Variants in IGSF10 observed in about 807,000 individuals in gnomAD.
The protein encoded by IGSF10 is calvaria mechanical force protein 608.
IGSF10 carries 126 observed loss-of-function variants against 128.2 expected under a neutral mutation model. The ratio of observed to expected loss-of-function variants is 0.98; its 90% CI spans 0.85 to 1.14. IGSF10 has a LOEUF of 1.14. Ranked by LOEUF, IGSF10 falls within the 50% of genes most tolerant of loss-of-function variation. The pLI, the probability that IGSF10 is intolerant of heterozygous loss-of-function variation, is 0.00. For synonymous variants in IGSF10, 1,185 were observed against 1,146.2 expected, an observed-to-expected ratio of 1.03 and a Z score of -0.68; for missense variants, 3,295 against 3,149.8, an observed-to-expected ratio of 1.05 and a Z score of -1.10.
the IGSF10 span, among the ~76,000 whole-genome samples, chr3:151,474,796 CACATATTATGTGG>C: frequency 1.3e-5 from 2 of 152,120 alleles, no homozygotes; most frequent in Non-Finnish European, 2.9e-5. Context: ...AGGAGCAAGT[CACATATTATGTGG>C]ATGGCAGCAG....
In IGSF10 at chr3:151,438,529, C is replaced by T. The variant is rs1310254148; in HGVS notation, c.6032G>A (p.Ser2011Asn). 3 of 1,614,014 alleles carry T rather than the reference C, an allele frequency of 1.9e-6. No homozygotes were observed. The highest frequency in any genetic ancestry group is 1.7e-6 in the Non-Finnish European group (2 of 1,180,030). Residue 2011 changes from serine (S) to asparagine (N), a missense_variant, in exon 8 of 8, where the codon AGT (serine) becomes AAT (asparagine). By Grantham distance (46) the Ser-to-Asn change is conservative. Coordinates refer to ENST00000282466, the MANE Select transcript of IGSF10 (RefSeq NM_178822.5). ...TCTTGCCACACACAAGTAGACACCACTGTCTTTTTCTGTTACTGATCCAAT... is the reference window on the plus strand; with the variant it reads ...TCTTGCCACACACAAGTAGACACCATTGTCTTTTTCTGTTACTGATCCAAT... ...LFIGSVTEKD[S>N]GVYLCVARNK...
the IGSF10 span, among the ~76,000 whole-genome samples, chr3:151,496,048 A>T: frequency 6.6e-6 from 1 of 152,100 alleles, no homozygotes; most frequent in Non-Finnish European, 1.5e-5. Flanking sequence ...AGAGGAAAAA[A>T]CTTATGAAAC....
chr3:151,508,022 T>C, the IGSF10 span, among the ~76,000 whole-genome samples: 2 of 152,134 alleles, frequency 1.3e-5, no homozygotes, highest in Non-Finnish European at 2.9e-5. Flanking sequence ...CAAATACTAA[T>C]ATAAAACAGT....
the IGSF10 span, among the ~76,000 whole-genome samples, chr3:151,506,858 C>T: frequency 2.0e-5 from 3 of 152,148 alleles, no homozygotes; most frequent in Admixed American, 6.6e-5. Context: ...GACAAATGAA[C>T]GTTCTTTGTG....
the IGSF10 span, among the ~76,000 whole-genome samples, chr3:151,570,346 C>T: frequency 6.6e-6 from 1 of 152,206 alleles, no homozygotes; most frequent in Non-Finnish European, 1.5e-5. Flanking sequence ...TTTACAGTCC[C>T]ACCAACAGTG....
the IGSF10 span, among the ~76,000 whole-genome samples, chr3:151,564,426 C>T: frequency 9.2e-5 from 14 of 152,032 alleles, no homozygotes; most frequent in Non-Finnish European, 2.9e-5. Context: ...TCCTTCCTTC[C>T]TTCCTTCCTC....
the IGSF10 span, among the ~76,000 whole-genome samples, chr3:151,519,717 T>C: frequency 6.6e-6 from 1 of 151,744 alleles, no homozygotes; most frequent in Non-Finnish European, 1.5e-5. Flanking sequence ...GAATTCTTAC[T>C]TCTGAAGGGG....
rs116763260 is a variant in IGSF10, at chr3:151,449,507, A to G, written c.716-242T>C. 3.4e-3 allele frequency among the ~76,000 whole-genome samples: 519 copies of G among 152,332 alleles called. 3 individuals carry two copies. Among genetic ancestry groups the G allele is most frequent in the African/African-American group, 0.012 (488 of 41,564 alleles). ...TATCTTATTCACTGCAGTATTTCCC[A>G]TGTTCAGCAAATGCCTGATATATAT... is the stretch of plus-strand genomic sequence containing the variant. On this transcript the variant is annotated intron_variant, in intron 5 of 7. Transcript: ENST00000282466.
At chr3:151,543,069 T>C in the IGSF10 span, among the ~76,000 whole-genome samples, 2 of 152,250 alleles carry the variant, frequency 1.3e-5, no homozygotes, top group Non-Finnish European at 2.9e-5. Context: ...AATTTTTCAA[T>C]ATAATTATAT....
chr3:151,448,276 CCA>C lies in IGSF10; in HGVS notation c.1703_1704del (p.Val568GlyfsTer21), dbSNP rs780638891. On this transcript the variant is annotated frameshift_variant, in exon 6 of 8. Coordinates refer to ENST00000282466, the MANE Select transcript of IGSF10 (RefSeq NM_178822.5). LOFTEE classifies it high-confidence loss of function. Reference sequence around the variant, plus strand: ...TGATAGGCTTCGACCAAAGGTTCTACCACAGTTATCCTATAGGTGAGAATATC... The same window carrying C: ...TGATAGGCTTCGACCAAAGGTTCTACCAGTTATCCTATAGGTGAGAATATC... ...DADILTYRIT[V>X]VEPLVEAYQE... The C allele has an allele frequency of 2.5e-6, 4 of 1,614,110 alleles. No homozygotes were observed. In the African/African-American group the frequency reaches 5.3e-5, roughly 22 times the overall value.
chr3:151,536,950 A>G, the IGSF10 span, among the ~76,000 whole-genome samples: 1 of 152,218 alleles, frequency 6.6e-6, no homozygotes, highest in African/African-American at 2.4e-5. Flanking sequence ...CTATTATTCT[A>G]GGTCCTGTTG....
chr3:151,494,806 C>T, the IGSF10 span, among the ~76,000 whole-genome samples: 1 of 152,034 alleles, frequency 6.6e-6, no homozygotes, highest in Non-Finnish European at 1.5e-5. Context: ...CCAGGATTTG[C>T]TGGCAAAACA....
chr3:151,605,900 A>G, the IGSF10 span, among the ~76,000 whole-genome samples: 2 of 152,198 alleles, frequency 1.3e-5, no homozygotes, highest in Admixed American at 6.5e-5. Flanking sequence ...TGTTTAAAAT[A>G]CAGATTTTTG....
the IGSF10 span, among the ~76,000 whole-genome samples, chr3:151,576,504 A>G: frequency 6.6e-4 from 101 of 152,264 alleles, no homozygotes; most frequent in Middle Eastern, 3.4e-3. Context: ...TTCTCCTTAC[A>G]TTTAATCAAA....
the IGSF10 span, among the ~76,000 whole-genome samples, chr3:151,493,141 TAGC>T: frequency 6.6e-6 from 1 of 152,018 alleles, no homozygotes; most frequent in Non-Finnish European, 1.5e-5. Context: ...TAGAATGAAA[TAGC>T]AGTTACTAGG....
the IGSF10 span, among the ~76,000 whole-genome samples, chr3:151,569,274 G>T: frequency 6.6e-6 from 1 of 152,170 alleles, no homozygotes; most frequent in South Asian, 2.1e-4. Context: ...GTGTCGCCAT[G>T]TTGGCCAGGC....
chr3:151,432,865 T>C, downstream of IGSF10: 1 of 1,282,874 alleles, frequency 7.8e-7, no homozygotes, highest in South Asian at 1.3e-5. Flanking sequence ...AAATCAAATT[T>C]AATGCATTAG....
the IGSF10 span, among the ~76,000 whole-genome samples, chr3:151,490,379 A>G: frequency 1.3e-5 from 2 of 152,296 alleles, no homozygotes; most frequent in Admixed American, 6.5e-5. Flanking sequence ...AAATGTATAA[A>G]TATTAATGGA....
chr3:151,497,968 GCT>G, the IGSF10 span, among the ~76,000 whole-genome samples: 1 of 151,846 alleles, frequency 6.6e-6, no homozygotes, highest in Non-Finnish European at 1.5e-5. Context: ...TCATGATTTG[GCT>G]CTCTGTCTGT....
Sources: gnomAD v4.1 joint callset for allele counts (sites outside exome capture counted in the v4.1 genomes callset) on GRCh38, gnomAD v4.1.1 for gene constraint, MANE v1.5 for transcripts, NCBI Gene and HGNC (gene_info 2026-07-23, HGNC 2026-07-21) for gene names.